The following GALNT18 variants were observed in gnomAD, a reference collection of about 807,000 sequenced individuals.
GALNT18 encodes polypeptide N-acetylgalactosaminyltransferase 18, also known as GalNAc-transferase 18.
A neutral mutation model predicts 69.5 loss-of-function variants in GALNT18; 44 were observed. The observed-to-expected ratio is 0.63, with a 90% CI of 0.50 to 0.81. The LOEUF (loss-of-function observed/expected upper bound fraction) is 0.81, where lower values mean the gene tolerates loss of function less well. GALNT18 is among the 40% of genes least tolerant of loss of function. The pLI is 0.00. For synonymous variants in GALNT18, 364 were observed against 318.2 expected, an observed-to-expected ratio of 1.14 and a Z score of -1.53; for missense variants, 715 against 810.0, an observed-to-expected ratio of 0.88 and a Z score of 1.42.
chr11:11,357,384 G>C (rs1454390075), intron 6 of GALNT18, among the ~76,000 whole-genome samples: 3 of 152,022 alleles, frequency 2.0e-5, no homozygotes, highest in African/African-American at 7.3e-5. Flanking sequence ...TCCCTTTCTG[G>C]TCAAATACAA....
chr11:11,275,502 G>A (rs554979282), intron 10 of GALNT18, among the ~76,000 whole-genome samples: 32 of 152,212 alleles, frequency 2.1e-4, no homozygotes, highest in African/African-American at 7.7e-4. Flanking sequence ...TCACTCTGAT[G>A]ATTTCTCTTG....
At chr11:11,418,423 G>A (rs751957927) in intron 3 of GALNT18, among the ~76,000 whole-genome samples, 1 of 152,134 alleles carries the variant, frequency 6.6e-6, no homozygotes, top group Admixed American at 6.5e-5. Flanking sequence ...TAATTAAGAC[G>A]ATTCAAAAAC....
chr11:11,335,067 T>C (rs1850087155), intron 7 of GALNT18, among the ~76,000 whole-genome samples: 1 of 152,250 alleles, frequency 6.6e-6, no homozygotes. Flanking sequence ...GTGACTAAAT[T>C]TAACACTGTG....
intron 1 of GALNT18, among the ~76,000 whole-genome samples, chr11:11,597,462 T>C (rs990396751): frequency 6.6e-6 from 1 of 152,162 alleles, no homozygotes; most frequent in African/African-American, 2.4e-5. Flanking sequence ...ATCAATCTCT[T>C]TACTTGTTAA....
At chr11:11,379,293 TGGGAGGGAG>T in intron 3 of GALNT18, 29 bp from the exon 4 acceptor site, 8 of 1,598,854 alleles carry the variant, frequency 5.0e-6, no homozygotes, top group Non-Finnish European at 6.0e-6. Flanking sequence ...AGCCTTAGCA[TGGGAGGGAG>T]GTCAGGAGGC....
chr11:11,437,755 T>TG (rs1855435952), intron 2 of GALNT18, among the ~76,000 whole-genome samples: 1 of 105,292 alleles, frequency 9.5e-6, no homozygotes. Context: ...CTGCTTGACC[T>TG]GGGGGTGGGG....
At chr11:11,504,698 C>T (rs948710064) in intron 1 of GALNT18, among the ~76,000 whole-genome samples, 8 of 152,122 alleles carry the variant, frequency 5.3e-5, no homozygotes, top group African/African-American at 1.4e-4. Context: ...GTGGAGGTTG[C>T]GGTGAACCAT....
chr11:11,526,615 G>A (rs939220479), intron 1 of GALNT18, among the ~76,000 whole-genome samples: 4 of 152,048 alleles, frequency 2.6e-5, no homozygotes, highest in Admixed American at 6.5e-5. Context: ...ATATCACAAA[G>A]GCTACATCTC....
At chr11:11,534,096 C>T (rs1182263143) in intron 1 of GALNT18, among the ~76,000 whole-genome samples, 1 of 152,256 alleles carries the variant, frequency 6.6e-6, no homozygotes, top group East Asian at 1.9e-4. Context: ...GGTCGAGTGG[C>T]TTGCCCAAGG....
At chr11:11,431,488 G>A (rs1052703749) in intron 3 of GALNT18, among the ~76,000 whole-genome samples, 1 of 152,062 alleles carries the variant, frequency 6.6e-6, no homozygotes, top group Non-Finnish European at 1.5e-5. Flanking sequence ...TTGCATCCTC[G>A]ATGCCTTTTC....
intron 3 of GALNT18, among the ~76,000 whole-genome samples, chr11:11,428,661 C>A (rs566048124): frequency 6.3e-4 from 96 of 152,334 alleles, no homozygotes; most frequent in South Asian, 6.2e-3. Context: ...CTCCCCAGAC[C>A]CATTAAATCA....
chr11:11,361,391 G>A (rs957977737), intron 6 of GALNT18, among the ~76,000 whole-genome samples: 1 of 152,162 alleles, frequency 6.6e-6, no homozygotes, highest in Non-Finnish European at 1.5e-5. Flanking sequence ...GATAGTAGTA[G>A]TACCTACATT....
rs1430546132 is a variant in GALNT18, at chr11:11,604,193, T to C, written c.235+17166A>G. ...CCACACAGTTTATGGTATTTTGTTA[T>C]AGCAGCCCAAATAGACTAAGATACC... is the stretch of plus-strand genomic sequence containing the variant. On this transcript the variant is annotated intron_variant, in intron 1 of 10. Coordinates refer to ENST00000227756, the MANE Select transcript of GALNT18 (RefSeq NM_198516.3). The surrounding 1 kb of genome is among the most constrained non-coding windows in gnomAD (Gnocchi z 5.6). 1.3e-5 allele frequency among the ~76,000 whole-genome samples: 2 copies of C among 152,240 alleles called. No individual in the cohort carries two copies. Among genetic ancestry groups the C allele is most frequent in the African/African-American group, 4.8e-5 (2 of 41,462 alleles).
At chr11:11,385,093 G>C (rs1268686729) in intron 3 of GALNT18, among the ~76,000 whole-genome samples, 1 of 152,146 alleles carries the variant, frequency 6.6e-6, no homozygotes, top group Admixed American at 6.5e-5. Context: ...GAGCCAGGAT[G>C]TACAGAGATC....
chr11:11,397,688 C>A (rs1854366281), intron 3 of GALNT18, among the ~76,000 whole-genome samples: 1 of 152,138 alleles, frequency 6.6e-6, no homozygotes, highest in Admixed American at 6.6e-5. Flanking sequence ...CCAGGCTGTT[C>A]TTGAACTCCT....
intron 3 of GALNT18, among the ~76,000 whole-genome samples, chr11:11,418,135 A>G (rs1031049786): frequency 4.6e-5 from 7 of 152,158 alleles, no homozygotes; most frequent in Non-Finnish European, 1.0e-4. Context: ...AAACTCTTCT[A>G]TCCCCATGTT....
intron 9 of GALNT18, among the ~76,000 whole-genome samples, chr11:11,326,639 C>T (rs1263932159): frequency 6.6e-6 from 1 of 152,070 alleles, no homozygotes; most frequent in Non-Finnish European, 1.5e-5. Context: ...AAATTTTGGC[C>T]CCAGCTATGA....
At position 11,540,821 on chromosome 11, in the gene GALNT18, A is replaced by G. The variant is rs2133954884; in HGVS notation, c.235+80538T>C. 6.6e-6 allele frequency among the ~76,000 whole-genome samples: 1 copy of G among 152,302 alleles called. No homozygotes were observed. The highest frequency in any genetic ancestry group is 2.1e-4 in the South Asian group (1 of 4,822). Reference sequence around the variant, plus strand: ...CAGGTCTTCAAGGACCCAGACAGAAACAGGTAATTGGCAGGAAGGTAGATA... The same window carrying G: ...CAGGTCTTCAAGGACCCAGACAGAAGCAGGTAATTGGCAGGAAGGTAGATA... On this transcript the variant is annotated intron_variant, in intron 1 of 10. Coordinates refer to ENST00000227756, the MANE Select transcript of GALNT18 (RefSeq NM_198516.3). The surrounding 1 kb of genome is among the most constrained non-coding windows in gnomAD (Gnocchi z 4.6).
intron 9 of GALNT18, among the ~76,000 whole-genome samples, chr11:11,325,920 A>T (rs1169055374): frequency 4.0e-5 from 6 of 150,888 alleles, no homozygotes; most frequent in African/African-American, 1.5e-4. Flanking sequence ...CTCAGCATTC[A>T]CACACAGAGT....
Sources: allele counts gnomAD v4.1 joint callset (sites outside exome capture counted in the v4.1 genomes callset), GRCh38; gene constraint gnomAD v4.1.1; non-coding constraint Gnocchi (gnomAD v3.1); transcripts MANE v1.5; gene names NCBI Gene and HGNC (gene_info 2026-07-23, HGNC 2026-07-21).